Variants in ZRANB3 observed in about 807,000 individuals in gnomAD.
ZRANB3 encodes the protein DNA annealing helicase and endonuclease ZRANB3.
Under a neutral mutation model 133.8 loss-of-function variants are expected in ZRANB3, and 125 were observed. That is an observed-to-expected ratio of 0.93 (90% confidence interval 0.81 to 1.08). ZRANB3 has a LOEUF of 1.08. Ranked by LOEUF, ZRANB3 falls within the 50% of genes least tolerant of loss-of-function variation. The pLI is 0.00. For synonymous variants in ZRANB3, 387 were observed against 432.7 expected, an observed-to-expected ratio of 0.89 and a Z score of 1.31; for missense variants, 1,229 against 1,275.5, an observed-to-expected ratio of 0.96 and a Z score of 0.56.
chr2:135,212,887 G>T (rs1694158829), intron 17 of ZRANB3, among the ~76,000 whole-genome samples: 1 of 152,188 alleles, frequency 6.6e-6, no homozygotes, highest in East Asian at 1.9e-4. Flanking sequence ...TCCTAAACAT[G>T]ACAGGGCTCC....
chr2:135,514,620 A>T lies in ZRANB3; in HGVS notation c.-7-10124T>A, dbSNP rs554428430. On this transcript the variant is annotated intron_variant, in intron 1 of 20. Coordinates refer to ENST00000264159, the MANE Select transcript of ZRANB3 (RefSeq NM_032143.4). The stretch of plus-strand genomic sequence containing the variant: ...TTTGACTTCCTCTCTTCCTATCCGA[A>T]TATCTTTTCTTTCTTTCTCTTGCTT... Among the ~76,000 whole-genome samples, 17 of 151,926 alleles carry T rather than the reference A, an allele frequency of 1.1e-4. No homozygotes were observed. In the South Asian group the frequency reaches 3.5e-3, roughly 32 times the overall value.
At chr2:135,228,064 G>C in intron 13 of ZRANB3, 49 bp from the exon 14 acceptor site, 1 of 1,402,934 alleles carries the variant, frequency 7.1e-7, no homozygotes, top group Non-Finnish European at 9.6e-7. Context: ...ACATTTAAAA[G>C]TAAAGTAAAA....
chr2:135,272,955 G>A (rs932887274), intron 9 of ZRANB3, among the ~76,000 whole-genome samples: 8 of 151,950 alleles, frequency 5.3e-5, no homozygotes, highest in African/African-American at 1.9e-4. Context: ...AGGCCGAGGA[G>A]GATGGATCAC....
intron 8 of ZRANB3, among the ~76,000 whole-genome samples, chr2:135,290,479 T>C (rs962030880): frequency 6.6e-6 from 1 of 152,356 alleles, no homozygotes; most frequent in African/African-American, 2.4e-5. Flanking sequence ...CTTAAGTTTA[T>C]GTGAATCCTT....
intron 12 of ZRANB3, among the ~76,000 whole-genome samples, chr2:135,239,380 T>G (rs138740322): frequency 6.8e-6 from 1 of 147,016 alleles, no homozygotes; most frequent in Non-Finnish European, 1.5e-5. Flanking sequence ...TAAAAATGGT[T>G]AAAATGACAA....
At chr2:135,319,863 C>T (rs916321505) in intron 6 of ZRANB3, among the ~76,000 whole-genome samples, 12 of 152,108 alleles carry the variant, frequency 7.9e-5, no homozygotes, top group African/African-American at 2.4e-4. Context: ...GTGATAACTC[C>T]ATCACAAAAC....
rs113027640 is a variant in ZRANB3 at position 135,248,977 on chromosome 2, G to A, written c.1539+16557C>T. Among the ~76,000 whole-genome samples, 453 of 152,166 alleles carry A rather than the reference G, an allele frequency of 3.0e-3. 3 individuals carry two copies. The highest frequency in any genetic ancestry group is 0.01 in the African/African-American group (422 of 41,506). On this transcript the variant is annotated intron_variant, in intron 12 of 20. Transcript: ENST00000264159. ...ACTTCTCAAAAGAAGACATATATGC[G>A]GCCAACAAGTATATGAAGAAAAGTT...
intron 3 of ZRANB3, among the ~76,000 whole-genome samples, chr2:135,361,062 G>C (rs891377522): frequency 3.9e-5 from 6 of 152,178 alleles, no homozygotes; most frequent in African/African-American, 1.4e-4. Context: ...TTACAGGCGT[G>C]AGCCACCGCA....
intron 8 of ZRANB3, among the ~76,000 whole-genome samples, chr2:135,287,670 C>CTTTTTTTTTTTTTTTTTTTT (rs59739293): frequency 1.0e-5 from 1 of 98,058 alleles, no homozygotes; most frequent in African/African-American, 4.4e-5. Flanking sequence ...TATTTCTTTC[C>CTTTTTTTTTTTTTTTTTTTT]TTTTTTTTTT....
At chr2:135,406,458 C>T (rs767660361) in intron 2 of ZRANB3, among the ~76,000 whole-genome samples, 1 of 152,196 alleles carries the variant, frequency 6.6e-6, no homozygotes, top group Non-Finnish European at 1.5e-5. Context: ...GGGATCCTCC[C>T]TAACTCATTT....
At chr2:135,242,618 G>C (rs1224026425) in intron 12 of ZRANB3, among the ~76,000 whole-genome samples, 2 of 151,942 alleles carry the variant, frequency 1.3e-5, no homozygotes, top group African/African-American at 2.4e-5. Context: ...AGATCAACTT[G>C]TGTCCTTCCG....
Position 135,300,070 on chromosome 2 carries a change from A to G in ZRANB3, c.966+13419T>C, listed in dbSNP as rs556836377. On this transcript the variant is annotated intron_variant, in intron 8 of 20. Transcript: ENST00000264159. ...GATGACTCAATACTCTCTAGGCCCA[A>G]TGCTCTCTAACCACAATTAGTGAAC... 2.2e-4 allele frequency among the ~76,000 whole-genome samples: 33 copies of G among 152,308 alleles called. No homozygotes were observed. In the South Asian group the frequency reaches 5.8e-3, roughly 27 times the overall value.
intron 2 of ZRANB3, among the ~76,000 whole-genome samples, chr2:135,453,738 T>G (rs1211883102): frequency 6.6e-6 from 1 of 152,234 alleles, no homozygotes; most frequent in Non-Finnish European, 1.5e-5. Context: ...AGCAATTTTG[T>G]CACAGCCATT....
chr2:135,405,561 T>C lies in ZRANB3; in HGVS notation c.162-14741A>G, dbSNP rs186358504. Among the ~76,000 whole-genome samples the C allele has an allele frequency of 2.4e-3, 370 of 152,306 alleles. 1 individual carries two copies. The highest frequency in any genetic ancestry group is 8.2e-3 in the African/African-American group (340 of 41,550). On this transcript the variant is annotated intron_variant, in intron 2 of 20. Transcript: ENST00000264159. ...CACACGTATTCCAAAATTGACCACA[T>C]AGTTGGAAGTAAAGCACTCCTCAAC...
intron 1 of ZRANB3, among the ~76,000 whole-genome samples, chr2:135,505,739 C>A (rs1450438280): frequency 6.6e-6 from 1 of 152,096 alleles, no homozygotes; most frequent in Non-Finnish European, 1.5e-5. Flanking sequence ...CATGCCACAA[C>A]CTAGAGAAGC....
chr2:135,390,919 G>C, intron 2 of ZRANB3, 99 bp from the exon 3 acceptor site: 14 of 1,274,102 alleles, frequency 1.1e-5, no homozygotes, highest in Non-Finnish European at 1.2e-5. Flanking sequence ...GGAGTGCAGT[G>C]GTGCGATCTC....
intron 6 of ZRANB3, among the ~76,000 whole-genome samples, chr2:135,321,576 C>T (rs955624112): frequency 4.6e-5 from 7 of 151,322 alleles, no homozygotes; most frequent in African/African-American, 9.7e-5. Context: ...CAGGTTCAAG[C>T]GATTCTCCTG....
At chr2:135,245,748 G>A (rs1695760375) in intron 12 of ZRANB3, among the ~76,000 whole-genome samples, 1 of 150,144 alleles carries the variant, frequency 6.7e-6, no homozygotes, top group African/African-American at 2.4e-5. Flanking sequence ...CCAACACGGA[G>A]AAACCCCATC....
intron 1 of ZRANB3, chr2:135,511,291 C>T: frequency 1.0e-6 from 1 of 975,536 alleles, no homozygotes; most frequent in South Asian, 1.3e-5. Context: ...TCTTCTAATA[C>T]TAGCTCAGAC....
Sources: allele counts gnomAD v4.1 joint callset (sites outside exome capture counted in the v4.1 genomes callset), GRCh38; gene constraint gnomAD v4.1.1; transcripts MANE v1.5; gene names NCBI Gene and HGNC (gene_info 2026-07-23, HGNC 2026-07-21).